PRR23E: variants seen among roughly 807,000 people sequenced by gnomAD.
The protein encoded by PRR23E is PRR23 family member E.
the PRR23E span, among the ~76,000 whole-genome samples, chr3:127,195,494 G>A: frequency 1.3e-5 from 2 of 152,094 alleles, no homozygotes; most frequent in East Asian, 1.9e-4. Context: ...ACCCTAAAAG[G>A]TTTCCCAGTG....
the PRR23E span, chr3:127,197,093 C>T: frequency 2.5e-6 from 4 of 1,598,114 alleles, no homozygotes; most frequent in African/African-American, 5.3e-5. Context: ...AATTCCCACC[C>T]ACCTACTCCT....
the PRR23E span, among the ~76,000 whole-genome samples, chr3:127,194,349 A>T: frequency 6.6e-6 from 1 of 152,220 alleles, no homozygotes; most frequent in Non-Finnish European, 1.5e-5. Flanking sequence ...AAAAATCATT[A>T]AAAAATCCCG....
At chr3:127,196,535 C>A in the PRR23E span, 1 of 1,299,370 alleles carries the variant, frequency 7.7e-7, no homozygotes, top group African/African-American at 1.5e-5. Flanking sequence ...CCTCCCATCC[C>A]CTCCTGTGCG....
At chr3:127,196,693 C>A in the PRR23E span, 2 of 1,589,086 alleles carry the variant, frequency 1.3e-6, no homozygotes, top group Non-Finnish European at 8.5e-7. Context: ...AAGATGGGCA[C>A]AGGTGCATCA....
the PRR23E span, chr3:127,197,583 T>A: frequency 2.9e-6 from 1 of 345,292 alleles, no homozygotes; most frequent in Non-Finnish European, 4.3e-6. Context: ...TTGCTATTTC[T>A]CTTTACTTTG....
At chr3:127,195,428 T>G in the PRR23E span, among the ~76,000 whole-genome samples, 1 of 152,104 alleles carries the variant, frequency 6.6e-6, no homozygotes, top group Non-Finnish European at 1.5e-5. Context: ...CGGGGCACCT[T>G]CGTGATCTGA....
the PRR23E span, among the ~76,000 whole-genome samples, chr3:127,194,703 T>G: frequency 2.0e-5 from 3 of 152,160 alleles, no homozygotes; most frequent in Admixed American, 6.5e-5. Flanking sequence ...GGCCATTTGG[T>G]CAGTGGTCCA....
chr3:127,197,611 C>T, the PRR23E span: 2 of 452,834 alleles, frequency 4.4e-6, no homozygotes, highest in Non-Finnish European at 7.5e-6. Flanking sequence ...GTTTGCCCTT[C>T]AACCCTGATA....
chr3:127,196,371 G>C, the PRR23E span, among the ~76,000 whole-genome samples: 1 of 152,122 alleles, frequency 6.6e-6, no homozygotes, highest in Non-Finnish European at 1.5e-5. Flanking sequence ...TTTGGAACTT[G>C]TTTTGATGTC....
At chr3:127,196,729 G>A in the PRR23E span, 200 of 1,593,874 alleles carry the variant, frequency 1.3e-4, no homozygotes, top group East Asian at 7.4e-4. Context: ...CAGAAGGTCC[G>A]CCGTGCCTTC....
At chr3:127,197,410 G>C in the PRR23E span, 1 of 1,548,410 alleles carries the variant, frequency 6.5e-7, no homozygotes, top group Non-Finnish European at 8.7e-7. Context: ...CTCTTTGAGT[G>C]CTAATCAGCC....
At chr3:127,193,848 T>C in the PRR23E span, among the ~76,000 whole-genome samples, 2 of 152,262 alleles carry the variant, frequency 1.3e-5, no homozygotes, top group Admixed American at 1.3e-4. Context: ...ATTTTTGTAA[T>C]TTGATTTTTT....
chr3:127,197,401 T>A, the PRR23E span: 2 of 1,555,512 alleles, frequency 1.3e-6, no homozygotes, highest in Non-Finnish European at 1.7e-6. Flanking sequence ...CGCCGCCGCC[T>A]CTTTGAGTGC....
chr3:127,197,535 C>A, the PRR23E span: 1 of 742,234 alleles, frequency 1.3e-6, no homozygotes, highest in Non-Finnish European at 2.0e-6. Context: ...TTCTTCAGTA[C>A]AGAGTACACC....
At chr3:127,197,157 T>A in the PRR23E span, 1 of 1,593,078 alleles carries the variant, frequency 6.3e-7, no homozygotes, top group Non-Finnish European at 8.5e-7. Context: ...CCAGGTGGGA[T>A]GCTGGACTCC....
At chr3:127,194,442 A>G in the PRR23E span, among the ~76,000 whole-genome samples, 1 of 152,226 alleles carries the variant, frequency 6.6e-6, no homozygotes, top group Non-Finnish European at 1.5e-5. Context: ...GCTTTAGAGG[A>G]TGATCTGAAC....
chr3:127,194,662 C>A, the PRR23E span, among the ~76,000 whole-genome samples: 1 of 152,140 alleles, frequency 6.6e-6, no homozygotes, highest in Non-Finnish European at 1.5e-5. Flanking sequence ...CAGTCTGGGG[C>A]CAGGGTGTCT....
chr3:127,197,589 CTTTG>C, the PRR23E span: 1 of 339,548 alleles, frequency 2.9e-6, no homozygotes, highest in Non-Finnish European at 4.4e-6. Context: ...TTTCTCTTTA[CTTTG>C]TTTTTCTGTT....
chr3:127,197,751 G>A, the PRR23E span: 28 of 179,294 alleles, frequency 1.6e-4, no homozygotes, highest in Non-Finnish European at 2.3e-4. Flanking sequence ...CTGTAGAAGC[G>A]CTCAGTTAGA....
Sources: gnomAD v4.1 joint callset for allele counts (sites outside exome capture counted in the v4.1 genomes callset) on GRCh38, gnomAD v4.1.1 for gene constraint, MANE v1.5 for transcripts, NCBI Gene and HGNC (gene_info 2026-07-23, HGNC 2026-07-21) for gene names.